The following DSG2 variants were observed in gnomAD, a reference collection of about 807,000 sequenced individuals.
The protein encoded by DSG2 is desmoglein-2.
A neutral mutation model predicts 75.6 loss-of-function variants in DSG2; 45 were observed. The ratio of observed to expected loss-of-function variants is 0.60; its 90% CI spans 0.47 to 0.76. The LOEUF (loss-of-function observed/expected upper bound fraction) is 0.76, where lower values mean the gene tolerates loss of function less well. DSG2 is among the 30% of genes least tolerant of loss of function. The pLI is 0.00. For missense variants in DSG2, 1,267 were observed against 1,357.4 expected, an observed-to-expected ratio of 0.93 and a Z score of 1.05; for synonymous variants, 429 against 483.9, an observed-to-expected ratio of 0.89 and a Z score of 1.49.
chr18:31,524,635 C>A, intron 7 of DSG2, 50 bp downstream of exon 7: 1 of 1,601,228 alleles, frequency 6.2e-7, no homozygotes, highest in East Asian at 2.3e-5. Context: ...TATTTCAGTC[C>A]TAATTAAAAA....
At chr18:31,511,299 C>T (rs2144299794) in intron 1 of DSG2, among the ~76,000 whole-genome samples, 1 of 152,324 alleles carries the variant, frequency 6.6e-6, no homozygotes, top group South Asian at 2.1e-4. Flanking sequence ...CTAGATGCCA[C>T]TGGCATTTAT....
chr18:31,536,298 G>T lies in DSG2; in HGVS notation c.1520G>T (p.Cys507Phe), dbSNP rs121913009. The T allele has an allele frequency of 6.2e-7, 1 of 1,614,188 alleles. No individual in the cohort carries two copies. Among genetic ancestry groups the T allele is most frequent in the Non-Finnish European group, 8.5e-7 (1 of 1,180,040 alleles). ...PTLIEPVQTI[C>F]HDAEYVNVTA... The stretch of plus-strand genomic sequence containing the variant: ...CTGATAGAGCCTGTGCAGACAATCT[G>T]TCACGATGCAGAGTATGTGAATGTT... Residue 507 changes from cysteine to phenylalanine, a missense_variant, in exon 11 of 15, where the codon TGT becomes TTT. Coordinates refer to ENST00000261590, the MANE Select transcript of DSG2 (RefSeq NM_001943.5).
At chr18:31,535,956 A>G (rs1598819417) in intron 10 of DSG2, among the ~76,000 whole-genome samples, 1 of 152,268 alleles carries the variant, frequency 6.6e-6, no homozygotes, top group African/African-American at 2.4e-5. Flanking sequence ...TTAAAAATAG[A>G]TGTCTAAAAA....
intron 8 of DSG2, among the ~76,000 whole-genome samples, chr18:31,525,467 C>T (rs771542773): frequency 1.3e-5 from 2 of 151,682 alleles, no homozygotes; most frequent in African/African-American, 2.4e-5. Flanking sequence ...TGCAGTGAGC[C>T]GTGGTCACAC....
At chr18:31,498,505 G>A (rs2072996694) in intron 1 of DSG2, among the ~76,000 whole-genome samples, 2 of 152,298 alleles carry the variant, frequency 1.3e-5, no homozygotes, top group Admixed American at 1.3e-4. Context: ...GGAGCCAGGA[G>A]AGTAAGTTGC....
At chr18:31,517,035 TG>T (rs973362143) in intron 1 of DSG2, among the ~76,000 whole-genome samples, 1 of 152,238 alleles carries the variant, frequency 6.6e-6, no homozygotes, top group Non-Finnish European at 1.5e-5. Context: ...TAGAAAGTGC[TG>T]GTTCAGATTG....
At chr18:31,523,300 C>T (rs1021857125) in intron 6 of DSG2, among the ~76,000 whole-genome samples, 1 of 152,050 alleles carries the variant, frequency 6.6e-6, no homozygotes, top group African/African-American at 2.4e-5. Flanking sequence ...ACTCGGGAGG[C>T]TGAGGCAGGA....
chr18:31,524,071 A>G (rs1312666267), intron 6 of DSG2, among the ~76,000 whole-genome samples: 2 of 152,174 alleles, frequency 1.3e-5, no homozygotes, highest in African/African-American at 4.8e-5. Context: ...TTCACTAACC[A>G]AGTTTATTTA....
chr18:31,527,774 T>C (rs931651703), intron 8 of DSG2, among the ~76,000 whole-genome samples: 1 of 152,210 alleles, frequency 6.6e-6, no homozygotes, highest in Non-Finnish European at 1.5e-5. Flanking sequence ...GGTTGCTTAT[T>C]AACAACAGAA....
chr18:31,535,393 G>A lies in DSG2; in HGVS notation c.1404G>A (p.Lys468=). ...RYVQNGTYTV[K]IVAISEDYPR... ...TTCAAAATGGCACATACACTGTAAAGATTGTGGCCATATCAGAAGGTAAGT... is the reference window on the plus strand; with the variant it reads ...TTCAAAATGGCACATACACTGTAAAAATTGTGGCCATATCAGAAGGTAAGT... The change falls in exon 10 of 15, where the codon AAG becomes AAA. Residue 468 remains lysine, a synonymous_variant. Transcript: ENST00000261590. 6.2e-7 allele frequency: 1 copy of A among 1,611,622 alleles called. No homozygotes were observed. The highest frequency in any genetic ancestry group is 8.5e-7 in the Non-Finnish European group (1 of 1,178,300).
intron 1 of DSG2, among the ~76,000 whole-genome samples, chr18:31,499,899 G>A (rs1471852106): frequency 1.3e-5 from 2 of 152,080 alleles, no homozygotes; most frequent in Non-Finnish European, 2.9e-5. Context: ...TGGAACAGGA[G>A]CAAAATTCTT....
chr18:31,505,656 C>CTTTTTTT (rs558578470), intron 1 of DSG2, among the ~76,000 whole-genome samples: 6 of 136,078 alleles, frequency 4.4e-5, no homozygotes, highest in Non-Finnish European at 6.4e-5. Flanking sequence ...ATTTTTTTTT[C>CTTTTTTT]TTTTTTTTTT....
At chr18:31,506,284 G>C (rs940995917) in intron 1 of DSG2, among the ~76,000 whole-genome samples, 10 of 151,992 alleles carry the variant, frequency 6.6e-5, no homozygotes, top group African/African-American at 2.2e-4. Flanking sequence ...CCGAACTTCT[G>C]GAACTAGATA....
Position 31,545,830 on chromosome 18 carries a change from G to C in DSG2, c.2444G>C (p.Ser815Thr). Reference sequence around the variant, plus strand: ...CTGAATGCTTCTATTGGTTGTTGCAGTTTTATTGAAGGAGAGCTAGATGAC... The same window carrying C: ...CTGAATGCTTCTATTGGTTGTTGCACTTTTATTGAAGGAGAGCTAGATGAC... ...ESLNASIGCC[S>T]FIEGELDDRF... Residue 815 changes from serine (S) to threonine (T), a missense_variant, in exon 15 of 15, where the codon AGT (serine) becomes ACT (threonine). Ser to Thr is a moderately conservative substitution (Grantham distance 58). Transcript: ENST00000261590. 2 of 1,614,180 alleles carry C rather than the reference G, an allele frequency of 1.2e-6. No homozygotes were observed. Among genetic ancestry groups the C allele is most frequent in the Non-Finnish European group, 1.7e-6 (2 of 1,180,028 alleles).
intron 14 of DSG2, 34 bp from the exon 15 acceptor site, chr18:31,545,687 G>A: frequency 6.2e-7 from 1 of 1,606,996 alleles, no homozygotes; most frequent in Non-Finnish European, 8.5e-7. Context: ...TTATTTGTCT[G>A]TTTTGTGTTT....
rs2073196524 is a variant in DSG2, at chr18:31,531,192, G to A, written c.1220G>A (p.Gly407Asp). The change falls in exon 9 of 15, where the codon GGC becomes GAC. Residue 407 changes from glycine to aspartate, a missense_variant. Gly to Asp is a moderately conservative substitution (Grantham distance 94). Transcript: ENST00000261590. Reference sequence around the variant, plus strand: ...GAGAGCATGGATAGATCAAGCAAAGGCCAAATAATTGGAAATTTTCAAGCT... The same window carrying A: ...GAGAGCATGGATAGATCAAGCAAAGACCAAATAATTGGAAATTTTCAAGCT... ...VSESMDRSSK[G>D]QIIGNFQAFD... 1.9e-6 allele frequency: 3 copies of A among 1,614,146 alleles called. No homozygotes were observed. The highest frequency in any genetic ancestry group is 2.2e-5 in the East Asian group (1 of 44,874).
At chr18:31,521,601 C>T (rs2073128655) in intron 5 of DSG2, among the ~76,000 whole-genome samples, 1 of 152,156 alleles carries the variant, frequency 6.6e-6, no homozygotes, top group African/African-American at 2.4e-5. Context: ...GGCCCTACAG[C>T]TTTGGCTATA....
At chr18:31,539,471 TC>T (rs1237875630) in intron 12 of DSG2, among the ~76,000 whole-genome samples, 2 of 152,340 alleles carry the variant, frequency 1.3e-5, no homozygotes, top group African/African-American at 4.8e-5. Flanking sequence ...TTGCCTTGTT[TC>T]TTCGTCAGCA....
At chr18:31,536,500 ATTTC>A in intron 11 of DSG2, 71 bp downstream of exon 11, 3 of 1,407,656 alleles carry the variant, frequency 2.1e-6, no homozygotes, top group Non-Finnish European at 2.9e-6. Flanking sequence ...TGTAAGTTGT[ATTTC>A]TTCTCATAAA....
Sources: allele counts gnomAD v4.1 joint callset (sites outside exome capture counted in the v4.1 genomes callset), GRCh38; gene constraint gnomAD v4.1.1; transcripts MANE v1.5; gene names NCBI Gene and HGNC (gene_info 2026-07-23, HGNC 2026-07-21).